Variants in CHRM3 observed in about 807,000 individuals in gnomAD.
CHRM3 encodes the protein cholinergic receptor muscarinic 3, also known as muscarinic acetylcholine receptor M3.
A neutral mutation model predicts 41.8 loss-of-function variants in CHRM3; 11 were observed. The observed-to-expected ratio is 0.26, with a 90% CI of 0.17 to 0.44. The LOEUF is 0.44. CHRM3 is among the 20% of genes least tolerant of loss of function. The probability of loss-of-function intolerance (pLI) is 1.00; values close to 1 mark genes in which losing one functional copy is unlikely to be tolerated. For synonymous variants in CHRM3, 297 were observed against 301.4 expected, an observed-to-expected ratio of 0.99 and a Z score of 0.15; for missense variants, 571 against 745.4, an observed-to-expected ratio of 0.77 and a Z score of 2.72.
chr1:239,898,078 A>G (rs762970598), intron 6 of CHRM3: 1 of 152,246 alleles, frequency 6.6e-6, no homozygotes, highest in Admixed American at 6.5e-5. Flanking sequence ...GTTCACAATA[A>G]GAGCCATTGC....
intron 3 of CHRM3, among the ~76,000 whole-genome samples, chr1:239,559,221 C>T (rs1207993621): frequency 6.6e-6 from 1 of 152,136 alleles, no homozygotes; most frequent in African/African-American, 2.4e-5. Context: ...CTCTATTATT[C>T]ACAGTCTATA....
At chr1:239,576,423 GT>G (rs1339216799) in intron 3 of CHRM3, among the ~76,000 whole-genome samples, 2 of 152,242 alleles carry the variant, frequency 1.3e-5, no homozygotes, top group African/African-American at 4.8e-5. Context: ...CTATTGAACA[GT>G]TTGGCTCATG....
intron 2 of CHRM3, among the ~76,000 whole-genome samples, chr1:239,503,471 G>A (rs901990945): frequency 6.6e-6 from 1 of 151,886 alleles, no homozygotes; most frequent in Non-Finnish European, 1.5e-5. Context: ...TATTGTGAAA[G>A]CAACCATACT....
intron 5 of CHRM3, among the ~76,000 whole-genome samples, chr1:239,713,843 A>G (rs148726733): frequency 3.7e-3 from 571 of 152,336 alleles, no homozygotes; most frequent in African/African-American, 0.013. Flanking sequence ...ATTTAAGTAT[A>G]AAAAACGGTG....
intron 1 of CHRM3, among the ~76,000 whole-genome samples, chr1:239,390,774 C>T (rs1289195339): frequency 2.0e-5 from 3 of 152,138 alleles, no homozygotes; most frequent in African/African-American, 7.2e-5. Context: ...TAGCCTGCTA[C>T]CTTCCCTAGC....
intron 5 of CHRM3, among the ~76,000 whole-genome samples, chr1:239,805,060 A>G (rs1471854679): frequency 6.6e-6 from 1 of 152,184 alleles, no homozygotes; most frequent in Non-Finnish European, 1.5e-5. Context: ...ACCTAAAACA[A>G]GTCATAATGA....
chr1:239,567,400 T>C (rs904242678), intron 3 of CHRM3, among the ~76,000 whole-genome samples: 1 of 152,154 alleles, frequency 6.6e-6, no homozygotes, highest in Non-Finnish European at 1.5e-5. Context: ...TCCTATGTGA[T>C]GCAGTTAACA....
intron 5 of CHRM3, among the ~76,000 whole-genome samples, chr1:239,821,244 A>G (rs969457997): frequency 5.3e-5 from 8 of 152,244 alleles, no homozygotes; most frequent in East Asian, 1.9e-4. Context: ...CGATGAAGCT[A>G]TTGAGTCTCT....
chr1:239,578,796 G>A (rs1662602437), intron 3 of CHRM3, among the ~76,000 whole-genome samples: 1 of 152,130 alleles, frequency 6.6e-6, no homozygotes, highest in African/African-American at 2.4e-5. Flanking sequence ...CCCCAACCCA[G>A]AATCTCCAGG....
At chr1:239,501,731 G>T (rs1418918199) in intron 2 of CHRM3, among the ~76,000 whole-genome samples, 1 of 152,084 alleles carries the variant, frequency 6.6e-6, no homozygotes, top group Non-Finnish European at 1.5e-5. Context: ...GGTGGTGGGT[G>T]CCTGTAGTCC....
chr1:239,403,497 G>C (rs74149051), intron 1 of CHRM3, among the ~76,000 whole-genome samples: 2,787 of 152,258 alleles, frequency 0.018, 55 homozygotes, highest in African/African-American at 0.063. Flanking sequence ...GAATTTCTCT[G>C]ACTGAGATTC....
intron 1 of CHRM3, among the ~76,000 whole-genome samples, chr1:239,453,091 C>T (rs1199736786): frequency 2.0e-5 from 3 of 152,174 alleles, no homozygotes; most frequent in African/African-American, 2.4e-5. Flanking sequence ...CGAGCCACCG[C>T]GCCCGGCCCA....
At chr1:239,557,055 C>T (rs558540660) in intron 3 of CHRM3, among the ~76,000 whole-genome samples, 19 of 152,170 alleles carry the variant, frequency 1.2e-4, no homozygotes, top group Middle Eastern at 6.8e-3. Flanking sequence ...CTAAGAGACC[C>T]TCCAGGGCTC....
At chr1:239,739,991 G>C (rs1031271765) in intron 5 of CHRM3, among the ~76,000 whole-genome samples, 1 of 152,102 alleles carries the variant, frequency 6.6e-6, no homozygotes, top group Non-Finnish European at 1.5e-5. Context: ...GGCATTAATG[G>C]AATGCATATG....
chr1:239,883,113 CACA>C (rs949035656), intron 6 of CHRM3, among the ~76,000 whole-genome samples: 3 of 152,156 alleles, frequency 2.0e-5, no homozygotes, highest in Admixed American at 6.5e-5. Flanking sequence ...TTGAAACACA[CACA>C]ACAACATTTA....
At chr1:239,739,068 G>A (rs1415318280) in intron 5 of CHRM3, among the ~76,000 whole-genome samples, 1 of 152,172 alleles carries the variant, frequency 6.6e-6, no homozygotes, top group Non-Finnish European at 1.5e-5. Flanking sequence ...CAGAGTTGCT[G>A]TTCTGAGCAG....
chr1:239,481,618 G>A (rs1322805891), intron 1 of CHRM3, among the ~76,000 whole-genome samples: 1 of 152,194 alleles, frequency 6.6e-6, no homozygotes, highest in Non-Finnish European at 1.5e-5. Context: ...CGTTGGTCAT[G>A]TTGAAGAGCA....
chr1:239,865,947 A>C (rs1676053215), intron 6 of CHRM3, among the ~76,000 whole-genome samples: 2 of 152,072 alleles, frequency 1.3e-5, no homozygotes, highest in African/African-American at 4.8e-5. Context: ...GGGAAAGAGC[A>C]CTTGCCTCCC....
At chr1:239,906,282 T>C (rs1237663982) in intron 6 of CHRM3, among the ~76,000 whole-genome samples, 1 of 152,242 alleles carries the variant, frequency 6.6e-6, no homozygotes, top group East Asian at 1.9e-4. Context: ...TGCATATGTA[T>C]GTTTATCTGT....
Sources: allele counts gnomAD v4.1 joint callset (sites outside exome capture counted in the v4.1 genomes callset), GRCh38; gene constraint gnomAD v4.1.1; transcripts MANE v1.5; gene names NCBI Gene and HGNC (gene_info 2026-07-23, HGNC 2026-07-21).